The following PDE4B variants were observed in gnomAD, a reference collection of about 807,000 sequenced individuals.
The protein encoded by PDE4B is phosphodiesterase 4B, also known as 3',5'-cyclic-AMP phosphodiesterase 4B.
In PDE4B, 20 loss-of-function variants were observed where a neutral mutation model predicts 82.2. The observed-to-expected ratio is 0.24, with a 90% CI of 0.17 to 0.35. The LOEUF is 0.35. Among genes scored for constraint, PDE4B ranks in the 10% least tolerant of loss-of-function variants. The pLI, the probability that PDE4B is intolerant of heterozygous loss-of-function variation, is 1.00. For missense variants in PDE4B, 655 were observed against 907.2 expected, an observed-to-expected ratio of 0.72 and a Z score of 3.57; for synonymous variants, 320 against 318.9, an observed-to-expected ratio of 1.00 and a Z score of -0.04.
At chr1:66,132,432 T>C (rs150005748) in intron 3 of PDE4B, among the ~76,000 whole-genome samples, 260 of 152,334 alleles carry the variant, frequency 1.7e-3, no homozygotes, top group Middle Eastern at 0.01. Flanking sequence ...TGGCGACTCA[T>C]GTTCAGTGGC....
intron 3 of PDE4B, among the ~76,000 whole-genome samples, chr1:66,062,438 CAG>C (rs1401167975): frequency 6.6e-6 from 1 of 151,922 alleles, no homozygotes; most frequent in African/African-American, 2.4e-5. Flanking sequence ...AGAATGCTCT[CAG>C]ATGATAGAGG....
intron 3 of PDE4B, among the ~76,000 whole-genome samples, chr1:66,162,731 A>G (rs936040223): frequency 1.3e-5 from 2 of 152,062 alleles, no homozygotes; most frequent in East Asian, 3.8e-4. Flanking sequence ...AATGTTTCAG[A>G]TTTTGGAGCA....
At chr1:66,319,012 A>G (rs1659206622) in intron 7 of PDE4B, among the ~76,000 whole-genome samples, 1 of 152,252 alleles carries the variant, frequency 6.6e-6, no homozygotes, top group Non-Finnish European at 1.5e-5. Context: ...CTTTGTTTGC[A>G]GAAGAAAATC....
At chr1:65,801,084 C>T (rs1340067943) in intron 1 of PDE4B, among the ~76,000 whole-genome samples, 1 of 152,154 alleles carries the variant, frequency 6.6e-6, no homozygotes, top group East Asian at 1.9e-4. Context: ...GGAGCACTTC[C>T]CTTCTCGAAC....
chr1:65,982,919 C>A (rs568086989), intron 3 of PDE4B, among the ~76,000 whole-genome samples: 21 of 152,142 alleles, frequency 1.4e-4, no homozygotes, highest in Non-Finnish European at 2.9e-4. Flanking sequence ...CTGGGGCCAT[C>A]GCCTCATTGG....
intron 3 of PDE4B, among the ~76,000 whole-genome samples, chr1:66,185,951 G>A (rs80243351): frequency 1.3e-5 from 2 of 152,166 alleles, no homozygotes; most frequent in Non-Finnish European, 2.9e-5. Context: ...TTTTCTTCTA[G>A]GATTTTTATG....
intron 3 of PDE4B, among the ~76,000 whole-genome samples, chr1:65,941,907 A>G (rs914058352): frequency 3.3e-5 from 5 of 151,816 alleles, no homozygotes; most frequent in Admixed American, 6.6e-5. Flanking sequence ...CAATCTCTCC[A>G]TTTTCTCTGG....
intron 7 of PDE4B, among the ~76,000 whole-genome samples, chr1:66,294,085 A>G (rs1657315105): frequency 6.6e-6 from 1 of 152,174 alleles, no homozygotes; most frequent in Non-Finnish European, 1.5e-5. Flanking sequence ...AGGTGCCTGT[A>G]ATCCCAGCTA....
intron 3 of PDE4B, among the ~76,000 whole-genome samples, chr1:66,015,350 A>G (rs1569981323): frequency 1.3e-5 from 2 of 152,320 alleles, no homozygotes; most frequent in East Asian, 3.9e-4. Flanking sequence ...TGACAATATA[A>G]ACATGAAATT....
chr1:66,341,980 A>G (rs368193993), intron 8 of PDE4B, among the ~76,000 whole-genome samples: 1 of 152,226 alleles, frequency 6.6e-6, no homozygotes, highest in Non-Finnish European at 1.5e-5. Context: ...AATAGTTTAA[A>G]TCAAATAAGT....
chr1:66,167,434 G>A (rs913211396), intron 3 of PDE4B, among the ~76,000 whole-genome samples: 1 of 152,140 alleles, frequency 6.6e-6, no homozygotes, highest in African/African-American at 2.4e-5. Flanking sequence ...AAGAACCCAT[G>A]CAATGTGTGA....
Position 65,903,549 on chromosome 1 carries a change from G to A in PDE4B, c.-70-9696G>A, listed in dbSNP as rs72685049. On this transcript the variant is annotated intron_variant, in intron 1 of 16. Coordinates refer to ENST00000341517, the MANE Select transcript of PDE4B (RefSeq NM_002600.4). ...GTTGAGGCTGCAGTGAGCCATGGTC[G>A]TGCCTGGGCAATAGAGCAAGAGCCT... 4.1e-3 allele frequency among the ~76,000 whole-genome samples: 622 copies of A among 152,046 alleles called. 1 individual carries two copies. The highest frequency in any genetic ancestry group is 7.9e-3 in the Non-Finnish European group (536 of 67,986).
chr1:66,110,568 G>A (rs1192367197), intron 3 of PDE4B, among the ~76,000 whole-genome samples: 1 of 152,032 alleles, frequency 6.6e-6, no homozygotes, highest in Non-Finnish European at 1.5e-5. Context: ...AGGTAGCAAT[G>A]CTTATTAGCT....
At chr1:65,947,917 T>C (rs992542407) in intron 3 of PDE4B, among the ~76,000 whole-genome samples, 1 of 149,436 alleles carries the variant, frequency 6.7e-6, no homozygotes, top group Non-Finnish European at 1.5e-5. Flanking sequence ...AGGAAACTAA[T>C]ACAGATGCAA....
chr1:66,281,251 A>T (rs1336937297), intron 7 of PDE4B, among the ~76,000 whole-genome samples: 1 of 152,068 alleles, frequency 6.6e-6, no homozygotes, highest in African/African-American at 2.4e-5. Context: ...TTATTGCCCC[A>T]CTCCTCAAGT....
intron 3 of PDE4B, among the ~76,000 whole-genome samples, chr1:66,044,630 A>G (rs1654587874): frequency 6.6e-6 from 1 of 151,790 alleles, no homozygotes; most frequent in African/African-American, 2.4e-5. Context: ...AAATTAGTGT[A>G]ATTAAAACTC....
chr1:65,851,775 C>T (rs1266827016), intron 1 of PDE4B, among the ~76,000 whole-genome samples: 1 of 151,782 alleles, frequency 6.6e-6, no homozygotes, highest in Non-Finnish European at 1.5e-5. Context: ...GTTTTTATCT[C>T]TTTTCTCACC....
intron 3 of PDE4B, among the ~76,000 whole-genome samples, chr1:66,009,603 C>G (rs1476878168): frequency 6.6e-6 from 1 of 152,184 alleles, no homozygotes; most frequent in African/African-American, 2.4e-5. Flanking sequence ...AGCCACACTG[C>G]TGCACTTGGT....
intron 3 of PDE4B, among the ~76,000 whole-genome samples, chr1:66,211,829 C>G (rs1040963653): frequency 2.0e-5 from 3 of 152,220 alleles, no homozygotes; most frequent in African/African-American, 7.2e-5. Flanking sequence ...CATCAGGTCT[C>G]TCATTCCAGG....
Sources: gnomAD v4.1 joint callset for allele counts (sites outside exome capture counted in the v4.1 genomes callset) on GRCh38, gnomAD v4.1.1 for gene constraint, MANE v1.5 for transcripts, NCBI Gene and HGNC (gene_info 2026-07-23, HGNC 2026-07-21) for gene names.